TRAM1: variants seen among roughly 807,000 people sequenced by gnomAD.
TRAM1 encodes the protein translocating chain-associated membrane protein 1.
Under a neutral mutation model 48.7 loss-of-function variants are expected in TRAM1, and 17 were observed. The ratio of observed to expected loss-of-function variants is 0.35; its 90% confidence interval spans 0.24 to 0.52. The LOEUF (loss-of-function observed/expected upper bound fraction) is 0.52. TRAM1 is among the 20% of genes least tolerant of loss of function. The probability of loss-of-function intolerance (pLI) is 0.94; values close to 1 mark genes in which losing one functional copy is unlikely to be tolerated. For synonymous variants in TRAM1, 182 were observed against 154.0 expected, an observed-to-expected ratio of 1.18 and a Z score of -1.34; for missense variants, 351 against 441.5, an observed-to-expected ratio of 0.79 and a Z score of 1.84.
chr8:70,591,702 T>C (rs1383068596), intron 6 of TRAM1, among the ~76,000 whole-genome samples: 1 of 152,030 alleles, frequency 6.6e-6, no homozygotes, highest in African/African-American at 2.4e-5. Context: ...AAGGCAAAGA[T>C]CTCCCCCCAA....
intron 5 of TRAM1, among the ~76,000 whole-genome samples, chr8:70,595,037 TG>T (rs892086161): frequency 2.2e-5 from 1 of 45,292 alleles, no homozygotes; most frequent in Non-Finnish European, 7.7e-5. Flanking sequence ...AAATATCCTC[TG>T]TTTTTTTTTT....
rs914097914 is a variant in TRAM1 at position 70,583,515 on chromosome 8, C to T, written c.890+135G>A. 21 of 1,336,152 alleles carry T rather than the reference C, an allele frequency of 1.6e-5. No individual in the cohort carries two copies. In the East Asian group the frequency reaches 3.0e-4, roughly 19 times the overall value. The allele number at this position is 1,336,152 out of a possible 1,614,324, so 82.8% of individuals were successfully genotyped here. On this transcript the variant is annotated intron_variant, in intron 9 of 10. Coordinates refer to ENST00000262213, the MANE Select transcript of TRAM1 (RefSeq NM_014294.6). ...TCACTTTAGACATGTAAAATAGCAA[C>T]GGGTATGAAATAAAATCAAATGAGT...
rs776663221 is a variant in TRAM1, at chr8:70,583,223, G to A, written c.992C>T (p.Ala331Val). 5.5e-5 allele frequency: 88 copies of A among 1,613,834 alleles called. No individual in the cohort carries two copies. The highest frequency in any genetic ancestry group is 6.7e-5 in the Non-Finnish European group (79 of 1,179,984). ...TGTTGGTTTCTTCTTCACAGCTGGT[G>A]CCTGAAAAGCAGAATGTTCCCTCCA... is the stretch of plus-strand genomic sequence containing the variant. ...RRWREHSAFQAPAVKKKPTVT... is the reference protein window; with the variant it reads ...RRWREHSAFQVPAVKKKPTVT... Residue 331 changes from alanine (A) to valine (V), a missense_variant, in exon 10 of 11, where the codon GCA becomes GTA. Physicochemically the swap from Ala to Val is moderately conservative, Grantham distance 64. Coordinates refer to ENST00000262213, the MANE Select transcript of TRAM1 (RefSeq NM_014294.6).
chr8:70,594,323 T>C (rs1358918085), intron 6 of TRAM1, among the ~76,000 whole-genome samples, 183 bp downstream of exon 6: 6 of 150,026 alleles, frequency 4.0e-5, no homozygotes, highest in African/African-American at 1.5e-4. Flanking sequence ...TTTTTTTTTT[T>C]CAAGAAATGC....
chr8:70,594,470 CA>C (rs1817441523), intron 6 of TRAM1, 35 bp downstream of exon 6: 2 of 1,517,392 alleles, frequency 1.3e-6, no homozygotes, highest in Admixed American at 4.5e-5. Context: ...AAAAAAATGA[CA>C]AGACATTTTT....
In TRAM1 at chr8:70,586,966, T is replaced by C. The variant is rs765567170; in HGVS notation, c.675A>G (p.Leu225=). 5 of 1,613,704 alleles carry C rather than the reference T, an allele frequency of 3.1e-6. No homozygotes were observed. Among genetic ancestry groups the C allele is most frequent in the African/African-American group, 2.7e-5 (2 of 74,890 alleles). ...GGAAAAGAAATTCAACAAAATAATG[T>C]AGCACCAGAAGAACAAGTCCTAGAT... The part of the protein sequence containing the change: ...LNHLGLVLLV[L]HYFVEFLFHI... Residue 225 remains leucine (L), a synonymous_variant, in exon 8 of 11, where the codon CTA becomes CTG. Coordinates refer to ENST00000262213, the MANE Select transcript of TRAM1 (RefSeq NM_014294.6).
rs572111193 is a variant in TRAM1 at position 70,577,197 on chromosome 8, G to A, written c.1052-2192C>T. On this transcript the variant is annotated intron_variant, in intron 10 of 10. Coordinates refer to ENST00000262213, the MANE Select transcript of TRAM1 (RefSeq NM_014294.6). ...GAGAGGGAGGCCGAGGGGGGCTGAG[G>A]GCAGCTTGGTGTGGGTCTGTAGGCA... Among the ~76,000 whole-genome samples the A allele has an allele frequency of 8.5e-5, 13 of 152,294 alleles. No homozygotes were observed. In the South Asian group the frequency reaches 2.5e-3, roughly 29 times the overall value.
chr8:70,596,303 G>A lies in TRAM1; in HGVS notation c.445C>T (p.Pro149Ser), dbSNP rs1817485928. 2 of 1,597,736 alleles carry A rather than the reference G, an allele frequency of 1.3e-6. No individual in the cohort carries two copies. The highest frequency in any genetic ancestry group is 1.4e-5 in the African/African-American group (1 of 73,666). The change falls in exon 5 of 11, where the codon CCA (proline) becomes TCA (serine). Residue 149 changes from proline to serine, a missense_variant. Coordinates refer to ENST00000262213, the MANE Select transcript of TRAM1 (RefSeq NM_014294.6). The stretch of plus-strand genomic sequence containing the variant: ...GGATAAGCCCTCCATAAGATAGTTG[G>A]GTCTGAGATGTAGTTTTCCTAAGAA... ...ILISENYISD[P>S]TILWRAYPHN...
intron 10 of TRAM1, among the ~76,000 whole-genome samples, chr8:70,575,654 T>C (rs372860926): frequency 1.2e-4 from 19 of 152,196 alleles, no homozygotes; most frequent in African/African-American, 4.6e-4. Context: ...TCTCCAAAAA[T>C]ACAAAAGTTG....
chr8:70,578,636 A>G (rs1051782927), intron 10 of TRAM1, among the ~76,000 whole-genome samples: 1 of 152,226 alleles, frequency 6.6e-6, no homozygotes, highest in Non-Finnish European at 1.5e-5. Flanking sequence ...CTGTTTCGAA[A>G]AAAAAGAAGA....
chr8:70,600,303 T>C (rs1015201373), intron 1 of TRAM1, among the ~76,000 whole-genome samples: 2 of 152,224 alleles, frequency 1.3e-5, no homozygotes, highest in African/African-American at 2.4e-5. Flanking sequence ...GTGTAATTCA[T>C]CCTTAATTTT....
At position 70,596,249 on chromosome 8, in the gene TRAM1, T is replaced by TA; in HGVS notation, c.485+13dup. ...TGGTCCTTAACAAAGAAAGGGCTGC[T>TA]AAAAATGACTTACGTCATCAGGTTA... On this transcript the variant is annotated intron_variant, in intron 5 of 10. Transcript: ENST00000262213. 6.4e-7 allele frequency: 1 copy of TA among 1,562,920 alleles called. No individual in the cohort carries two copies. Among genetic ancestry groups the TA allele is most frequent in the Non-Finnish European group, 8.6e-7 (1 of 1,160,860 alleles).
At chr8:70,607,355 C>T in intron 1 of TRAM1, 1 of 985,462 alleles carries the variant, frequency 1.0e-6, no homozygotes, top group Non-Finnish European at 1.2e-6. Context: ...TCGATTTATC[C>T]ATCAGACCTT....
rs1817614342 is a variant in TRAM1 at position 70,601,927 on chromosome 8, G to A, written c.124-1845C>T. ...GAGTCTCTTTCTACAGATAATAGCTGAAGCTGTGAAAATACATAAATCATA... is the reference window on the plus strand; with the variant it reads ...GAGTCTCTTTCTACAGATAATAGCTAAAGCTGTGAAAATACATAAATCATA... On this transcript the variant is annotated intron_variant, in intron 1 of 10. Coordinates refer to ENST00000262213, the MANE Select transcript of TRAM1 (RefSeq NM_014294.6). 3.3e-5 allele frequency among the ~76,000 whole-genome samples: 5 copies of A among 152,308 alleles called. No homozygotes were observed. The South Asian group carries it at 1.0e-3, about 32-fold the overall frequency.
At chr8:70,577,445 C>T (rs1462734176) in intron 10 of TRAM1, among the ~76,000 whole-genome samples, 1 of 152,162 alleles carries the variant, frequency 6.6e-6, no homozygotes, top group African/African-American at 2.4e-5. Context: ...ACTTCCTCCC[C>T]CCTGAAGCTC....
At chr8:70,600,443 TAAAG>T (rs767452611) in intron 1 of TRAM1, among the ~76,000 whole-genome samples, 12 of 152,134 alleles carry the variant, frequency 7.9e-5, no homozygotes, top group Non-Finnish European at 1.5e-4. Flanking sequence ...ATTAATAAAA[TAAAG>T]AGAAGCACAG....
At chr8:70,596,818 G>GT (rs1817497013) in intron 4 of TRAM1, among the ~76,000 whole-genome samples, 1 of 115,420 alleles carries the variant, frequency 8.7e-6, no homozygotes, top group Middle Eastern at 6.3e-3. Flanking sequence ...TACTGCATAT[G>GT]TAAAAAAAAA....
At position 70,583,151 on chromosome 8, in the gene TRAM1, AC is replaced by A; in HGVS notation, c.1051+12del. The A allele has an allele frequency of 1.2e-6, 2 of 1,602,580 alleles. No homozygotes were observed. Among genetic ancestry groups the A allele is most frequent in the Non-Finnish European group, 1.7e-6 (2 of 1,176,024 alleles). On this transcript the variant is annotated intron_variant, in intron 10 of 10. Coordinates refer to ENST00000262213, the MANE Select transcript of TRAM1 (RefSeq NM_014294.6). ...TACTTCCATGAGTTTTTCATTGCTT[AC>A]TGAATACAAACCTGTTCCTTTTTTA...
chr8:70,575,632 T>C (rs1268863667), intron 10 of TRAM1, among the ~76,000 whole-genome samples: 2 of 152,096 alleles, frequency 1.3e-5, no homozygotes, highest in Non-Finnish European at 2.9e-5. Context: ...AGCGTATGTG[T>C]GACTGACTCT....
Sources: allele counts gnomAD v4.1 joint callset (sites outside exome capture counted in the v4.1 genomes callset), GRCh38; gene constraint gnomAD v4.1.1; transcripts MANE v1.5; gene names NCBI Gene and HGNC (gene_info 2026-07-23, HGNC 2026-07-21).